The following DICER1 variants were observed in gnomAD, a reference collection of about 807,000 sequenced individuals.
DICER1 encodes dicer 1, ribonuclease III, also known as endoribonuclease Dicer.
Under a neutral mutation model 194.1 loss-of-function variants are expected in DICER1, and 43 were observed. The observed-to-expected ratio is 0.22, with a 90% CI of 0.17 to 0.29. The LOEUF (loss-of-function observed/expected upper bound fraction) is 0.29, where lower values mean the gene tolerates loss of function less well. DICER1 is among the 10% of genes least tolerant of loss of function. The pLI, the probability that DICER1 is intolerant of heterozygous loss-of-function variation, is 1.00. For missense variants in DICER1, 1,608 were observed against 2,317.0 expected (o/e 0.69, Z 6.28); for synonymous variants, 832 against 820.5 (o/e 1.01, Z -0.24).
intron 17 of DICER1, 37 bp downstream of exon 17, chr14:95,107,571 G>GT (rs1432699151): frequency 6.2e-7 from 1 of 1,610,346 alleles, no homozygotes; most frequent in Non-Finnish European, 8.5e-7. Context: ...TTAAAACAAA[G>GT]TATCACCACC....
Position 95,096,364 on chromosome 14 carries a change from T to A in DICER1, c.4556A>T (p.Glu1519Val), listed in dbSNP as rs1060503622. The A allele has an allele frequency of 1.9e-6, 3 of 1,614,110 alleles. No individual in the cohort carries two copies. Among genetic ancestry groups the A allele is most frequent in the African/African-American group, 2.7e-5 (2 of 74,938 alleles). The change falls in exon 23 of 27, where the codon GAA becomes GTA. Residue 1519 changes from glutamate to valine, a missense_variant. Coordinates refer to ENST00000343455, the MANE Select transcript of DICER1 (RefSeq NM_177438.3). ...GAACCCCACCACAAAGTCATCTTCT[T>A]CAACAGCTTTGCTAGGATCCAGATA... ...MCYLDPSKAV[E>V]EDDFVVGFWN...
chr14:95,138,805 T>G (rs1421313812), intron 1 of DICER1, among the ~76,000 whole-genome samples: 1 of 86,616 alleles, frequency 1.2e-5, no homozygotes, highest in Non-Finnish European at 2.1e-5. Context: ...TATCACACTC[T>G]GGGGACTGTG....
chr14:95,131,875 T>C (rs1893981804), intron 3 of DICER1, among the ~76,000 whole-genome samples: 2 of 152,168 alleles, frequency 1.3e-5, no homozygotes, highest in Admixed American at 6.5e-5. Flanking sequence ...TACACCACCT[T>C]TCTTCTTCAT....
In DICER1 at chr14:95,094,061, C is replaced by T. The variant is rs1555366846; in HGVS notation, c.5191G>A (p.Val1731Ile). ...YEDPRQHSPG[V>I]LTDLRSALVN... ...AGGGCAGACCGCAGGTCTGTCAGGA[C>T]CCCCGGGGAGTGCTGCCGCGGGTCT... The change falls in exon 24 of 27, where the codon GTC (valine) becomes ATC (isoleucine). Residue 1731 changes from valine (V) to isoleucine (I), a missense_variant. By Grantham distance (29) the Val-to-Ile change is conservative. Transcript: ENST00000343455. 1 of 1,614,062 alleles carries T rather than the reference C, an allele frequency of 6.2e-7. No homozygotes were observed. Among genetic ancestry groups the T allele is most frequent in the Non-Finnish European group, 8.5e-7 (1 of 1,179,998 alleles).
chr14:95,134,479 T>C (rs752240717), intron 1 of DICER1: 1 of 152,120 alleles, frequency 6.6e-6, no homozygotes, highest in Non-Finnish European at 1.5e-5. Flanking sequence ...TGCTTTGGAG[T>C]GTTCATTGCT....
intron 14 of DICER1, among the ~76,000 whole-genome samples, chr14:95,109,212 C>T (rs192955267): frequency 7.2e-5 from 11 of 152,310 alleles, no homozygotes; most frequent in Admixed American, 7.2e-4. Context: ...ATGGACATTG[C>T]TGCTAGGCTT....
intron 6 of DICER1, among the ~76,000 whole-genome samples, chr14:95,128,203 TAC>T (rs1188785678): frequency 6.6e-6 from 1 of 152,228 alleles, no homozygotes; most frequent in African/African-American, 2.4e-5. Flanking sequence ...AAAACATATA[TAC>T]TATAGTTCTT....
chr14:95,105,014 C>G lies in DICER1; in HGVS notation c.3269+57G>C. 6.5e-7 allele frequency: 1 copy of G among 1,529,698 alleles called. No individual in the cohort carries two copies. The highest frequency in any genetic ancestry group is 1.1e-5 in the South Asian group (1 of 88,824). The allele number at this position is 1,529,698 out of a possible 1,614,324, so 94.8% of individuals were successfully genotyped here. ...TATACAATTTTAACTTAATTCTGTT[C>G]TTTTGCAAACAGGATCTCATGATCT... On this transcript the variant is annotated intron_variant, in intron 20 of 26. Coordinates refer to ENST00000343455, the MANE Select transcript of DICER1 (RefSeq NM_177438.3). The surrounding 1 kb of genome is among the most constrained non-coding windows in gnomAD (Gnocchi z 4.9).
intron 10 of DICER1, among the ~76,000 whole-genome samples, 185 bp downstream of exon 10, chr14:95,116,268 A>G (rs531536456): frequency 6.6e-6 from 1 of 152,234 alleles, no homozygotes; most frequent in South Asian, 2.1e-4. Flanking sequence ...AACACTTTGT[A>G]TAACACTGCC....
intron 1 of DICER1, among the ~76,000 whole-genome samples, chr14:95,144,769 G>T (rs779621684): frequency 1.3e-5 from 2 of 152,016 alleles, no homozygotes; most frequent in Non-Finnish European, 2.9e-5. Flanking sequence ...TGCCACTTTG[G>T]TATATTATTT....
In DICER1 at chr14:95,096,669, G is replaced by A. The variant is rs763063055; in HGVS notation, c.4251C>T (p.Tyr1417=). The A allele has an allele frequency of 1.2e-5, 19 of 1,611,914 alleles. No homozygotes were observed. The highest frequency in any genetic ancestry group is 6.7e-5 in the East Asian group (3 of 44,824). The stretch of plus-strand genomic sequence containing the variant: ...TCTCCTCCTCCTCATCCTCCTCCTC[G>A]TAATCCTCATCCAGTTTGCCATTCG... The part of the protein sequence containing the change: ...MLANGKLDED[Y]EEEDEEEESL... The change falls in exon 23 of 27, where the codon TAC becomes TAT. Residue 1417 remains tyrosine (Y), a synonymous_variant. Transcript: ENST00000343455.
At chr14:95,119,102 G>A (rs2140150950) in intron 8 of DICER1, among the ~76,000 whole-genome samples, 1 of 152,210 alleles carries the variant, frequency 6.6e-6, no homozygotes, top group East Asian at 1.9e-4. Context: ...AATCACCTTA[G>A]AAATAATACA....
At position 95,095,160 on chromosome 14, in the gene DICER1, T is replaced by C. The variant is rs574400026; in HGVS notation, c.5095+665A>G. On this transcript the variant is annotated intron_variant, in intron 23 of 26. Coordinates refer to ENST00000343455, the MANE Select transcript of DICER1 (RefSeq NM_177438.3). ...TTGGTGTTCTGAATTCAGGCACTTA[T>C]TTTTCTGATACAGAAATTGAAATGT... 2.2e-4 allele frequency among the ~76,000 whole-genome samples: 33 copies of C among 152,338 alleles called. 1 individual carries two copies. Among genetic ancestry groups the C allele is most frequent in the African/African-American group, 7.9e-4 (33 of 41,584 alleles).
chr14:95,120,809 A>T (rs959891569), intron 8 of DICER1, among the ~76,000 whole-genome samples: 2 of 152,212 alleles, frequency 1.3e-5, no homozygotes, highest in African/African-American at 4.8e-5. Flanking sequence ...TAAACCAGAC[A>T]AGTTTTCCTT....
chr14:95,129,728 A>T, intron 5 of DICER1, 96 bp from the exon 6 acceptor site: 1 of 1,171,008 alleles, frequency 8.5e-7, no homozygotes, highest in Non-Finnish European at 1.2e-6. Context: ...AATCACTAAC[A>T]AATAGTAAAA....
intron 10 of DICER1, among the ~76,000 whole-genome samples, 180 bp downstream of exon 10, chr14:95,116,273 A>G (rs1892455750): frequency 6.6e-6 from 1 of 152,242 alleles, no homozygotes; most frequent in Non-Finnish European, 1.5e-5. Flanking sequence ...TTTGTATAAC[A>G]CTGCCGGGTC....
At chr14:95,131,182 G>A (rs567211215) in intron 4 of DICER1, among the ~76,000 whole-genome samples, 20 of 151,906 alleles carry the variant, frequency 1.3e-4, no homozygotes, top group Middle Eastern at 3.4e-3. Context: ...ACGCCACCAC[G>A]CCCGGCTAAT....
At chr14:95,154,851 TA>T (rs776740473) in intron 1 of DICER1, among the ~76,000 whole-genome samples, 3 of 148,158 alleles carry the variant, frequency 2.0e-5, no homozygotes, top group Non-Finnish European at 4.4e-5. Flanking sequence ...TTGTGTTATG[TA>T]TATTTTACCA....
chr14:95,107,329 C>T (rs543946370), intron 17 of DICER1, among the ~76,000 whole-genome samples: 1 of 151,592 alleles, frequency 6.6e-6, no homozygotes, highest in African/African-American at 2.4e-5. Flanking sequence ...CAGCTCACTG[C>T]AATCTCCGCC....
Sources: gnomAD v4.1 joint callset for allele counts (sites outside exome capture counted in the v4.1 genomes callset) on GRCh38, gnomAD v4.1.1 for gene constraint, Gnocchi (gnomAD v3.1) non-coding constraint, MANE v1.5 for transcripts, NCBI Gene and HGNC (gene_info 2026-07-23, HGNC 2026-07-21) for gene names.